The following PSD3 variants were observed in gnomAD, a reference collection of about 807,000 sequenced individuals.
PSD3 encodes pleckstrin and Sec7 domain containing 3, also known as PH and SEC7 domain-containing protein 3.
PSD3 carries 49 observed loss-of-function variants against 105.5 expected under a neutral mutation model. The observed-to-expected ratio is 0.46, with a 90% CI of 0.37 to 0.59. The LOEUF (loss-of-function observed/expected upper bound fraction) is 0.59. Among genes scored for constraint, PSD3 ranks in the 20% least tolerant of loss-of-function variants. The pLI, the probability that PSD3 is intolerant of heterozygous loss-of-function variation, is 0.00. For missense variants in PSD3, 1,561 were observed against 1,263.8 expected (o/e 1.24, Z -3.57); for synonymous variants, 557 against 457.8 (o/e 1.22, Z -2.77).
At chr8:18,820,382 T>C (rs1812594819) in intron 4 of PSD3, among the ~76,000 whole-genome samples, 1 of 152,154 alleles carries the variant, frequency 6.6e-6, no homozygotes, top group Non-Finnish European at 1.5e-5. Flanking sequence ...ACTAGTACTG[T>C]CATCCCTTGG....
rs1001919085 is a variant in PSD3, at chr8:18,531,053, A to G, written c.*4690T>C. On this transcript the variant is annotated 3_prime_UTR_variant, in exon 16 of 16. Coordinates refer to ENST00000327040, the MANE Select transcript of PSD3 (RefSeq NM_015310.4). ...ACACTGATGCATTTACATACATACA[A>G]CTATAAATACCCACAAATACAACAA... 3.9e-5 allele frequency: 6 copies of G among 152,266 alleles called. No individual in the cohort carries two copies. Among genetic ancestry groups the G allele is most frequent in the East Asian group, 1.9e-4 (1 of 5,200 alleles). 9.4% of individuals were successfully genotyped at this position (152,266 alleles called of 1,614,324 possible).
At chr8:18,990,454 C>A (rs902342636) in intron 1 of PSD3, among the ~76,000 whole-genome samples, 1 of 152,202 alleles carries the variant, frequency 6.6e-6, no homozygotes, top group Non-Finnish European at 1.5e-5. Flanking sequence ...TTCCTCTGTA[C>A]GGCATATGCT....
intron 2 of PSD3, among the ~76,000 whole-genome samples, chr8:18,925,350 T>C (rs1354520745): frequency 4.6e-5 from 7 of 152,084 alleles, no homozygotes; most frequent in African/African-American, 1.4e-4. Flanking sequence ...AGCTATGCTA[T>C]GATTGTGCTA....
chr8:18,574,218 A>G (rs1477965427), intron 13 of PSD3, among the ~76,000 whole-genome samples: 1 of 152,200 alleles, frequency 6.6e-6, no homozygotes, highest in Non-Finnish European at 1.5e-5. Flanking sequence ...AACCACACAA[A>G]CAAACCTGAG....
chr8:18,612,324 A>AT (rs1401841341), intron 11 of PSD3, among the ~76,000 whole-genome samples: 3 of 151,768 alleles, frequency 2.0e-5, no homozygotes, highest in Non-Finnish European at 2.9e-5. Flanking sequence ...TGTATTCGGA[A>AT]TTTTTTTTGT....
At chr8:18,872,870 A>T in intron 2 of PSD3, 137 bp from the exon 3 acceptor site, 1 of 792,496 alleles carries the variant, frequency 1.3e-6, no homozygotes, top group Non-Finnish European at 1.9e-6. Context: ...TCCTCCCACC[A>T]CCCTGTAACA....
At chr8:18,586,267 T>C (rs1402700390) in intron 12 of PSD3, among the ~76,000 whole-genome samples, 2 of 152,184 alleles carry the variant, frequency 1.3e-5, no homozygotes, top group Non-Finnish European at 2.9e-5. Context: ...CTGTGAGGAC[T>C]TGGCACTCGC....
At position 18,929,107 on chromosome 8, in the gene PSD3, A is replaced by G. The variant is rs901816805; in HGVS notation, c.130+6927T>C. 3.9e-5 allele frequency among the ~76,000 whole-genome samples: 6 copies of G among 152,306 alleles called. No homozygotes were observed. The East Asian group carries it at 1.2e-3, about 29-fold the overall frequency. On this transcript the variant is annotated intron_variant, in intron 2 of 15. Transcript: ENST00000327040. ...AATGGATGAATTGTATGGTTTACAA[A>G]TTGTATCTCAATAAAGTTATTTTTT...
chr8:18,696,510 G>C (rs565223423), intron 9 of PSD3, among the ~76,000 whole-genome samples: 15 of 152,274 alleles, frequency 9.9e-5, no homozygotes, highest in African/African-American at 3.4e-4. Flanking sequence ...GCAGCACGTT[G>C]CTCAGCTTGT....
At chr8:18,738,544 G>A (rs1804323930) in intron 9 of PSD3, among the ~76,000 whole-genome samples, 1 of 152,082 alleles carries the variant, frequency 6.6e-6, no homozygotes, top group South Asian at 2.1e-4. Flanking sequence ...TATTATAAAA[G>A]GGATCTACCA....
At chr8:18,725,260 T>C (rs940383436) in intron 9 of PSD3, among the ~76,000 whole-genome samples, 3 of 152,144 alleles carry the variant, frequency 2.0e-5, no homozygotes, top group African/African-American at 7.2e-5. Context: ...AAAATAGTAA[T>C]CTTTCTCTTT....
intron 4 of PSD3, among the ~76,000 whole-genome samples, chr8:18,809,862 CAAAACA>C (rs777554068): frequency 6.6e-6 from 1 of 151,598 alleles, no homozygotes; most frequent in South Asian, 2.1e-4. Context: ...ACAAAAAAAA[CAAAACA>C]AAAACAAAAA....
At chr8:18,970,344 A>AAAAAAAAG (rs1563474672) in intron 1 of PSD3, among the ~76,000 whole-genome samples, 27 of 148,398 alleles carry the variant, frequency 1.8e-4, no homozygotes, top group African/African-American at 6.4e-4. Flanking sequence ...AAAAAAAAAA[A>AAAAAAAAG]AAAACAAAGA....
intron 2 of PSD3, among the ~76,000 whole-genome samples, chr8:18,910,956 A>G (rs1166958294): frequency 6.6e-6 from 1 of 151,812 alleles, no homozygotes; most frequent in African/African-American, 2.4e-5. Context: ...AAAAAAAAAT[A>G]AGTTAGCCAG....
At chr8:18,893,883 C>T (rs1818974545) in intron 2 of PSD3, among the ~76,000 whole-genome samples, 1 of 152,236 alleles carries the variant, frequency 6.6e-6, no homozygotes, top group African/African-American at 2.4e-5. Flanking sequence ...ACTTCTCCCA[C>T]TCCCCTTTAG....
intron 9 of PSD3, among the ~76,000 whole-genome samples, chr8:18,695,402 G>T (rs1466339773): frequency 2.6e-5 from 4 of 152,160 alleles, no homozygotes; most frequent in Non-Finnish European, 2.9e-5. Flanking sequence ...ACCAAACTAG[G>T]TAGTATATCA....
intron 9 of PSD3, among the ~76,000 whole-genome samples, chr8:18,759,373 T>C (rs1019279423): frequency 6.6e-6 from 1 of 152,302 alleles, no homozygotes; most frequent in Middle Eastern, 3.4e-3. Flanking sequence ...GACCTACTTG[T>C]GTATTTAAAT....
rs1353160543 is a variant in PSD3 at position 19,062,854 on chromosome 8, G to A, written c.324+21352C>T. On this transcript the variant is annotated intron_variant, in intron 1 of 1. Transcript: ENST00000521475. ...TCACGTATGAAATATCAATCTTTTT[G>A]CAGAAATCATATCTAGCTGACTTGA... Among the ~76,000 whole-genome samples the A allele has an allele frequency of 2.0e-5, 3 of 152,066 alleles. No individual in the cohort carries two copies. The East Asian group carries it at 5.8e-4, about 29-fold the overall frequency.
intron 1 of PSD3, among the ~76,000 whole-genome samples, chr8:18,944,178 C>T (rs1822721477): frequency 6.6e-6 from 1 of 152,206 alleles, no homozygotes; most frequent in South Asian, 2.1e-4. Context: ...TCTTTGCACC[C>T]TATCAGTGGC....
Sources: allele counts gnomAD v4.1 joint callset (sites outside exome capture counted in the v4.1 genomes callset), GRCh38; gene constraint gnomAD v4.1.1; transcripts MANE v1.5; gene names NCBI Gene and HGNC (gene_info 2026-07-23, HGNC 2026-07-21).